Variants in TRAM2 observed in about 807,000 individuals in gnomAD.
TRAM2 encodes translocating chain-associated membrane protein 2.
A neutral mutation model predicts 51.0 loss-of-function variants in TRAM2; 12 were observed. The ratio of observed to expected loss-of-function variants is 0.24; its 90% CI spans 0.15 to 0.38. TRAM2 has a LOEUF of 0.38. Among genes scored for constraint, TRAM2 ranks in the 10% least tolerant of loss-of-function variants. TRAM2 has a pLI of 1.00. For missense variants in TRAM2, 361 were observed against 462.0 expected, an observed-to-expected ratio of 0.78 and a Z score of 2.00; for synonymous variants, 175 against 179.4, an observed-to-expected ratio of 0.98 and a Z score of 0.20.
At chr6:52,565,406 T>G (rs1300466488) in intron 1 of TRAM2, among the ~76,000 whole-genome samples, 2 of 152,148 alleles carry the variant, frequency 1.3e-5, no homozygotes, top group East Asian at 3.8e-4. Context: ...GGAGGGCAAG[T>G]GACGGCTGCG....
intron 2 of TRAM2, among the ~76,000 whole-genome samples, chr6:52,521,651 T>C (rs993953219): frequency 5.3e-5 from 8 of 151,516 alleles, no homozygotes; most frequent in Admixed American, 2.6e-4. Context: ...GAGCCGAGAT[T>C]GCGCCACTGC....
chr6:52,516,066 A>G lies in TRAM2; in HGVS notation c.351T>C (p.Ser117=), dbSNP rs759671895. 1.2e-6 allele frequency: 2 copies of G among 1,614,132 alleles called. No individual in the cohort carries two copies. The highest frequency in any genetic ancestry group is 1.7e-6 in the Non-Finnish European group (2 of 1,180,056). ...TGAAATGAAAGACGACCAGCTGTCC[A>G]GATTCATTGAACTTGCTGTGTTTGA... ...SKVKHSKFNE[S]GQLVVFHFTS... is the part of the protein sequence containing the mutation. Residue 117 remains serine, a synonymous_variant, in exon 4 of 11, where the codon TCT becomes TCC. Transcript: ENST00000182527.
chr6:52,515,474 CAG>C (rs1766530469), intron 4 of TRAM2, among the ~76,000 whole-genome samples: 1 of 152,208 alleles, frequency 6.6e-6, no homozygotes, highest in Non-Finnish European at 1.5e-5. Flanking sequence ...GATGAGCTGA[CAG>C]AGTGAGGCTG....
chr6:52,537,443 C>T (rs1314284262), intron 1 of TRAM2, among the ~76,000 whole-genome samples: 1 of 152,056 alleles, frequency 6.6e-6, no homozygotes, highest in Non-Finnish European at 1.5e-5. Flanking sequence ...GAGTTTTAGC[C>T]ACTCTCAGTT....
chr6:52,519,286 C>T (rs1235384366), intron 2 of TRAM2, among the ~76,000 whole-genome samples: 1 of 152,204 alleles, frequency 6.6e-6, no homozygotes, highest in African/African-American at 2.4e-5. Context: ...CAACAAAAAC[C>T]AAACAACCTG....
At chr6:52,517,050 G>A in intron 2 of TRAM2, 1 of 309,198 alleles carries the variant, frequency 3.2e-6, no homozygotes, top group Non-Finnish European at 6.1e-6. Context: ...CCCCATCACT[G>A]GCTCTATCAC....
intron 2 of TRAM2, among the ~76,000 whole-genome samples, chr6:52,519,168 A>G (rs555065827): frequency 6.6e-6 from 1 of 152,332 alleles, no homozygotes; most frequent in East Asian, 1.9e-4. Flanking sequence ...GGGCACTGGG[A>G]GACGGCAGTG....
At chr6:52,505,775 T>G in intron 8 of TRAM2, 33 bp from the exon 9 acceptor site, 1 of 1,572,926 alleles carries the variant, frequency 6.4e-7, no homozygotes, top group Non-Finnish European at 8.6e-7. Context: ...GATGTCAGTC[T>G]TTAGCGCCCT....
At chr6:52,540,437 C>T (rs959238002) in intron 1 of TRAM2, among the ~76,000 whole-genome samples, 2 of 152,180 alleles carry the variant, frequency 1.3e-5, no homozygotes, top group African/African-American at 4.8e-5. Context: ...TACTCATTGG[C>T]TAAAGGTGGC....
intron 1 of TRAM2, among the ~76,000 whole-genome samples, chr6:52,559,268 C>A (rs763896736): frequency 6.6e-6 from 1 of 152,178 alleles, no homozygotes; most frequent in African/African-American, 2.4e-5. Flanking sequence ...GTAACAGACG[C>A]GACGGATTAC....
At chr6:52,505,922 G>T in intron 8 of TRAM2, 110 bp downstream of exon 8, 1 of 1,398,462 alleles carries the variant, frequency 7.2e-7, no homozygotes, top group Non-Finnish European at 9.9e-7. Flanking sequence ...GGCACCACCT[G>T]CAGGTAAGCG....
At chr6:52,514,678 G>A (rs1260467634) in intron 4 of TRAM2, among the ~76,000 whole-genome samples, 1 of 152,228 alleles carries the variant, frequency 6.6e-6, no homozygotes, top group African/African-American at 2.4e-5. Flanking sequence ...AATGTTTGGG[G>A]GTGAAGTTGA....
At chr6:52,554,282 T>C (rs1176285812) in intron 1 of TRAM2, among the ~76,000 whole-genome samples, 1 of 151,850 alleles carries the variant, frequency 6.6e-6, no homozygotes, top group Non-Finnish European at 1.5e-5. Context: ...CCCAGCACTT[T>C]GGGAAGTAGA....
chr6:52,554,252 C>T (rs1180232162), intron 1 of TRAM2, among the ~76,000 whole-genome samples: 3 of 152,054 alleles, frequency 2.0e-5, no homozygotes, highest in Admixed American at 1.3e-4. Context: ...GGGCCAGGCG[C>T]GGTGACTCCC....
intron 1 of TRAM2, among the ~76,000 whole-genome samples, chr6:52,549,122 T>C (rs2114095693): frequency 6.6e-6 from 1 of 152,294 alleles, no homozygotes; most frequent in South Asian, 2.1e-4. Flanking sequence ...ACGGGGGCTG[T>C]CCACCGTGTG....
At chr6:52,508,431 G>T in intron 5 of TRAM2, 113 bp from the exon 6 acceptor site, 2 of 1,034,108 alleles carry the variant, frequency 1.9e-6, no homozygotes, top group Non-Finnish European at 2.9e-6. Context: ...TGAGGAGCTG[G>T]TCCAGGAGCA....
chr6:52,545,805 G>A lies in TRAM2; in HGVS notation c.121-9959C>T, dbSNP rs202053484. 2.6e-5 allele frequency among the ~76,000 whole-genome samples: 4 copies of A among 152,168 alleles called. No individual in the cohort carries two copies. In the East Asian group the frequency reaches 5.8e-4, roughly 22 times the overall value. On this transcript the variant is annotated intron_variant, in intron 1 of 10. Transcript: ENST00000182527. ...CTCCATGGCTCCCTATTGCTCAGGA[G>A]AGAATCAGGACCTATGCTGACATTC...
intron 10 of TRAM2, among the ~76,000 whole-genome samples, 171 bp downstream of exon 10, chr6:52,504,420 C>T (rs1208049983): frequency 2.6e-5 from 4 of 151,040 alleles, no homozygotes; most frequent in Non-Finnish European, 4.4e-5. Flanking sequence ...CCACACCCAG[C>T]CACGTGCCAA....
chr6:52,572,227 G>C (rs2268705), intron 1 of TRAM2, among the ~76,000 whole-genome samples: 38,260 of 152,150 alleles, frequency 0.25, 6,026 homozygotes, highest in African/African-American at 0.41. Context: ...CATGGATAGA[G>C]TAAGTAAAAG....
Sources: allele counts gnomAD v4.1 joint callset (sites outside exome capture counted in the v4.1 genomes callset), GRCh38; gene constraint gnomAD v4.1.1; transcripts MANE v1.5; gene names NCBI Gene and HGNC (gene_info 2026-07-23, HGNC 2026-07-21).